The following LTK variants were observed in gnomAD, a reference collection of about 807,000 sequenced individuals.
LTK encodes leukocyte receptor tyrosine kinase, also known as leukocyte tyrosine kinase receptor.
LTK carries 117 observed loss-of-function variants against 101.5 expected under a neutral mutation model. The ratio of observed to expected loss-of-function variants is 1.15; its 90% CI spans 0.99 to 1.34. The LOEUF is 1.34. Among genes scored for constraint, LTK ranks in the 40% most tolerant of loss-of-function variants. LTK has a pLI of 0.00. For missense variants in LTK, 1,252 were observed against 1,164.7 expected (o/e 1.07, Z -1.09); for synonymous variants, 563 against 494.2 (o/e 1.14, Z -1.85).
intron 11 of LTK, among the ~76,000 whole-genome samples, chr15:41,506,235 T>C (rs2051278200): frequency 6.6e-6 from 1 of 151,936 alleles, no homozygotes; most frequent in South Asian, 2.1e-4. Flanking sequence ...AAGGTGGGAG[T>C]GCATGATGAG....
At position 41,504,595 on chromosome 15, in the gene LTK, C is replaced by T. The variant is rs2051190308; in HGVS notation, c.2166G>A (p.Met722Ile). The T allele has an allele frequency of 6.2e-6, 10 of 1,613,790 alleles. No homozygotes were observed. Among genetic ancestry groups the T allele is most frequent in the Non-Finnish European group, 8.5e-6 (10 of 1,179,996 alleles). Reference protein sequence around the residue: ...LLWEIFSLGYMPYPGRTNQEV... With the variant: ...LLWEIFSLGYIPYPGRTNQEV... The stretch of plus-strand genomic sequence containing the variant: ...CCTGGTTGGTGCGCCCAGGATAGGG[C>T]ATGTAGCCCAGTGAGAAGATCTCCC... The change falls in exon 18 of 20, where the codon ATG becomes ATA. Residue 722 changes from methionine to isoleucine, a missense_variant. Met to Ile is a conservative substitution (Grantham distance 10). Coordinates refer to ENST00000263800, the MANE Select transcript of LTK (RefSeq NM_002344.6).
At chr15:41,507,039 A>C (rs894617895) in intron 11 of LTK, 56 bp downstream of exon 11, 4 of 1,509,032 alleles carry the variant, frequency 2.7e-6, no homozygotes, top group Admixed American at 4.0e-5. Context: ...GCAGGGAGAG[A>C]ATCAGAGGTG....
Position 41,504,842 on chromosome 15 carries a change from A to C in LTK, c.2051T>G (p.Leu684Trp). The C allele has an allele frequency of 6.2e-7, 1 of 1,613,316 alleles. No homozygotes were observed. The change falls in exon 17 of 20, where the codon TTG (leucine) becomes TGG (tryptophan). Residue 684 changes from leucine to tryptophan, a missense_variant. Coordinates refer to ENST00000263800, the MANE Select transcript of LTK (RefSeq NM_002344.6). The stretch of plus-strand genomic sequence containing the variant: ...TGGGGGCATCCACTTGACTGGGAGC[A>C]AGGCCCGGTCCCCCCTGCGGTAATA... ...ASYYRRGDRA[L>W]LPVKWMPPEA... is the part of the protein sequence containing the mutation.
At chr15:41,510,864 T>C (rs2051434510) in intron 7 of LTK, among the ~76,000 whole-genome samples, 1 of 152,226 alleles carries the variant, frequency 6.6e-6, no homozygotes, top group Admixed American at 6.5e-5. Flanking sequence ...TCTGCCCCTT[T>C]GCTCAGCTTG....
rs55683312 is a variant in LTK at position 41,508,168 on chromosome 15, A to G, written c.1150T>C (p.Cys384Arg). Residue 384 changes from cysteine to arginine, a missense_variant, in exon 9 of 20, where the codon TGC (cysteine) becomes CGC (arginine). Physicochemically the swap from Cys to Arg is radical, Grantham distance 180. Coordinates refer to ENST00000263800, the MANE Select transcript of LTK (RefSeq NM_002344.6). Reference protein sequence around the residue: ...EIRRHLNCSHCPLRDCQWQAE... With the variant: ...EIRRHLNCSHRPLRDCQWQAE... ...TGCCATTGGCAGTCTCTCAAAGGGC[A>G]GTGACTGCAGTTGAGGTGCCTTCGG... 4.0e-5 allele frequency: 65 copies of G among 1,613,436 alleles called. No individual in the cohort carries two copies. In the East Asian group the frequency reaches 1.3e-3, roughly 33 times the overall value.
In LTK at chr15:41,512,788, G is replaced by A. The variant is rs780928538; in HGVS notation, c.278C>T (p.Thr93Ile). The change falls in exon 3 of 20, where the codon ACC becomes ATC. Residue 93 changes from threonine (T) to isoleucine (I), a missense_variant. Transcript: ENST00000263800. ...QTQCDGAYAG[T>I]SVVVTVGAAG... Reference sequence around the variant, plus strand: ...GGCCCCCACGGTCACCACCACGCTGGTCCCCGCGTACGCCCCGTCACATTG... The same window carrying A: ...GGCCCCCACGGTCACCACCACGCTGATCCCCGCGTACGCCCCGTCACATTG... The A allele has an allele frequency of 6.2e-7, 1 of 1,612,114 alleles. No individual in the cohort carries two copies. The highest frequency in any genetic ancestry group is 8.5e-7 in the Non-Finnish European group (1 of 1,179,654).
In LTK at chr15:41,511,440, C is replaced by T. The variant is rs1399509353; in HGVS notation, c.796G>A (p.Gly266Arg). Residue 266 changes from glycine (G) to arginine (R), a missense_variant, in exon 6 of 20, where the codon GGG becomes AGG. By Grantham distance (125) the Gly-to-Arg change is moderately radical. Coordinates refer to ENST00000263800, the MANE Select transcript of LTK (RefSeq NM_002344.6). This position sits in a 1 kb window ranked among gnomAD's most constrained non-coding sequence, Gnocchi z 5.9. ...ENRSEAPGSG[G>R]RGGAAGGGGG... ...CCCTCACCTGCCGCCCCGCCTCTCC[C>T]GCCGCTCCCGGGCGCCTCCGAGCGG... 2 of 1,404,602 alleles carry T rather than the reference C, an allele frequency of 1.4e-6. No individual in the cohort carries two copies. The highest frequency in any genetic ancestry group is 1.5e-5 in the African/African-American group (1 of 66,214). The allele number at this position is 1,404,602 out of a possible 1,614,324, so 87.0% of individuals were successfully genotyped here.
intron 7 of LTK, among the ~76,000 whole-genome samples, chr15:41,510,266 A>G (rs1382612090): frequency 6.6e-6 from 1 of 152,046 alleles, no homozygotes; most frequent in African/African-American, 2.4e-5. Flanking sequence ...TCCGCCGCCC[A>G]AAGTGTTGAG....
intron 3 of LTK, among the ~76,000 whole-genome samples, 157 bp from the exon 4 acceptor site, chr15:41,512,422 C>G (rs1239141945): frequency 6.6e-6 from 1 of 152,178 alleles, no homozygotes; most frequent in African/African-American, 2.4e-5. Flanking sequence ...GGTTTGCACA[C>G]CGAAAAATCA....
chr15:41,513,047 GGGACTTGCCAGCGGCAGGGGCGA>G lies in LTK; in HGVS notation c.94_116del (p.Ser32GlnfsTer12). On this transcript the variant is annotated frameshift_variant, in exon 2 of 20. Transcript: ENST00000263800. LOFTEE classifies it high-confidence loss of function. ...CGCTGACTTTCGGGTCCCGGGGGCT[GGGACTTGCCAGCGGCAGGGGCGA>G]GGACCGCAGAAAAGTCTCCTGGGAC... is the stretch of plus-strand genomic sequence containing the variant. 6.2e-7 allele frequency: 1 copy of G among 1,612,346 alleles called. No homozygotes were observed.
rs148513655 is a variant in LTK, at chr15:41,505,523, G to T, written c.1705C>A (p.Arg569Ser). The change falls in exon 14 of 20, where the codon CGC (arginine) becomes AGC (serine). Residue 569 changes from arginine to serine, a missense_variant. Arg to Ser is a moderately radical substitution (Grantham distance 110, BLOSUM62 -1). Transcript: ENST00000263800. ...LMEALIISKF[R>S]HQNIVRCVGL... ...ACACACCGCACAATGTTCTGATGGC[G>T]AAACTTGCTGAGTGGGGTGGGGGAC... The T allele has an allele frequency of 3.8e-3, 6,126 of 1,613,864 alleles. 56 individuals carry two copies. Among genetic ancestry groups the T allele is most frequent in the Admixed American group, 0.025 (1,497 of 59,974 alleles).
At chr15:41,510,702 C>T (rs1002249316) in intron 7 of LTK, among the ~76,000 whole-genome samples, 88 of 152,318 alleles carry the variant, frequency 5.8e-4, no homozygotes, top group African/African-American at 1.9e-3. Context: ...CTCAGGTGAT[C>T]CACCTGCCTT....
chr15:41,507,796 C>T, intron 9 of LTK, 139 bp from the exon 10 acceptor site: 1 of 937,890 alleles, frequency 1.1e-6, no homozygotes, highest in South Asian at 1.8e-5. Flanking sequence ...CAAAAGCAAC[C>T]TCTCCCTCTT....
Position 41,503,834 on chromosome 15 carries a change from T to C in LTK, c.*162A>G, listed in dbSNP as rs545897857. The C allele has an allele frequency of 4.0e-3, 3,445 of 860,420 alleles. 16 individuals carry two copies. The highest frequency in any genetic ancestry group is 9.2e-3 in the Middle Eastern group (26 of 2,820). The allele number at this position is 860,420 out of a possible 1,614,324, so 53.3% of individuals were successfully genotyped here. On this transcript the variant is annotated 3_prime_UTR_variant, in exon 20 of 20. Transcript: ENST00000263800. Reference sequence around the variant, plus strand: ...GGGAGGCCTGGGCTGGTTTCCAGCATGGCAAGTGCAGCGCTGCCAGGCCAG... The same window carrying C: ...GGGAGGCCTGGGCTGGTTTCCAGCACGGCAAGTGCAGCGCTGCCAGGCCAG...
At position 41,511,824 on chromosome 15, in the gene LTK, A is replaced by C; in HGVS notation, c.650T>G (p.Val217Gly). The part of the protein sequence containing the change: ...GGGGGGGATY[V>G]FRVRAGELEP... Reference sequence around the variant, plus strand: ...GCCGAAGGGAGCACGTACCCGGAAAACGTAGGTGGCGCCCCCGCCACCCCC... The same window carrying C: ...GCCGAAGGGAGCACGTACCCGGAAACCGTAGGTGGCGCCCCCGCCACCCCC... The change falls in exon 5 of 20, where the codon GTT (valine) becomes GGT (glycine). Residue 217 changes from valine to glycine, a missense_variant. Val to Gly is a moderately radical substitution (Grantham distance 109). Transcript: ENST00000263800. This position sits in a 1 kb window ranked among gnomAD's most constrained non-coding sequence, Gnocchi z 5.9. The C allele has an allele frequency of 6.7e-7, 1 of 1,488,980 alleles. No homozygotes were observed. Among genetic ancestry groups the C allele is most frequent in the Middle Eastern group, 2.4e-4 (1 of 4,188 alleles). The allele number at this position is 1,488,980 out of a possible 1,614,324, so 92.2% of individuals were successfully genotyped here.
chr15:41,510,160 C>T (rs1040493622), intron 7 of LTK, among the ~76,000 whole-genome samples: 2 of 151,820 alleles, frequency 1.3e-5, no homozygotes, highest in Non-Finnish European at 2.9e-5. Context: ...GCATATGCCA[C>T]CACGCCCGGC....
chr15:41,513,439 A>AC (rs923462544), intron 1 of LTK, among the ~76,000 whole-genome samples: 8 of 152,176 alleles, frequency 5.3e-5, no homozygotes, highest in African/African-American at 1.9e-4. Context: ...CGGTGCTGAG[A>AC]CCCCAAAGAA....
rs2051210299 is a variant in LTK at position 41,504,958 on chromosome 15, C to T, written c.2018+14G>A. 6.2e-7 allele frequency: 1 copy of T among 1,603,888 alleles called. No individual in the cohort carries two copies. Among genetic ancestry groups the T allele is most frequent in the African/African-American group, 1.3e-5 (1 of 74,628 alleles). On this transcript the variant is annotated intron_variant, in intron 16 of 19. Transcript: ENST00000263800. Reference sequence around the variant, plus strand: ...CCTTGGAGCAAGAGCCTTCCCACCTCCCAAGTCCCGCACCGGTAGATATCT... The same window carrying T: ...CCTTGGAGCAAGAGCCTTCCCACCTTCCAAGTCCCGCACCGGTAGATATCT...
chr15:41,505,658 T>C (rs2051252491), intron 13 of LTK, 55 bp downstream of exon 13: 2 of 1,609,918 alleles, frequency 1.2e-6, no homozygotes, highest in Non-Finnish European at 1.7e-6. Flanking sequence ...GAAGAGAAAC[T>C]GTTCCCGGGC....
Sources: gnomAD v4.1 joint callset for allele counts (sites outside exome capture counted in the v4.1 genomes callset) on GRCh38, gnomAD v4.1.1 for gene constraint, Gnocchi (gnomAD v3.1) non-coding constraint, MANE v1.5 for transcripts, NCBI Gene and HGNC (gene_info 2026-07-23, HGNC 2026-07-21) for gene names.